Variants in PPP1R9A observed in about 807,000 individuals in gnomAD.
The protein encoded by PPP1R9A is protein phosphatase 1 regulatory subunit 9A.
Under a neutral mutation model 141.9 loss-of-function variants are expected in PPP1R9A, and 59 were observed. The ratio of observed to expected loss-of-function variants is 0.42; its 90% CI spans 0.34 to 0.52. PPP1R9A has a LOEUF of 0.52. Ranked by LOEUF, PPP1R9A falls within the 20% of genes least tolerant of loss-of-function variation. PPP1R9A has a pLI of 0.10. For synonymous variants in PPP1R9A, 500 were observed against 569.7 expected, an observed-to-expected ratio of 0.88 and a Z score of 1.74; for missense variants, 1,444 against 1,611.9, an observed-to-expected ratio of 0.90 and a Z score of 1.78.
chr7:95,158,441 G>A (rs983746067), intron 4 of PPP1R9A, among the ~76,000 whole-genome samples: 1 of 152,180 alleles, frequency 6.6e-6, no homozygotes. Context: ...GATCACTTGA[G>A]ACGAGGAGTT....
At chr7:95,113,164 A>G (rs1303114579) in intron 3 of PPP1R9A, among the ~76,000 whole-genome samples, 1 of 152,232 alleles carries the variant, frequency 6.6e-6, no homozygotes, top group Non-Finnish European at 1.5e-5. Context: ...GAAGAATTGA[A>G]AAGGATAGTT....
At chr7:95,053,492 A>T (rs1811088020) in intron 2 of PPP1R9A, among the ~76,000 whole-genome samples, 1 of 152,236 alleles carries the variant, frequency 6.6e-6, no homozygotes, top group Non-Finnish European at 1.5e-5. Flanking sequence ...TAAGTTTCTT[A>T]ACACCAATAA....
chr7:95,284,104 C>G lies in PPP1R9A; in HGVS notation c.3383C>G (p.Ser1128Ter), dbSNP rs1239962209. Residue 1128 changes from serine to a stop codon, truncating the protein, a stop_gained, in exon 17 of 20, where the codon TCA becomes TGA. Transcript: ENST00000433360. LOFTEE classifies it high-confidence loss of function. ...TSTRSPCMPF[S>*]WFNDSRKGSY... ...ACTCGTTCCCCTTGCATGCCTTTCT[C>G]ATGGTTTAATGACAGCCGGAAAGGA... 1 of 1,594,120 alleles carries G rather than the reference C, an allele frequency of 6.3e-7. No homozygotes were observed.
chr7:95,113,842 GAA>G (rs934326565), intron 3 of PPP1R9A, among the ~76,000 whole-genome samples: 2 of 151,818 alleles, frequency 1.3e-5, no homozygotes, highest in Non-Finnish European at 2.9e-5. Flanking sequence ...CAAGGGCAAG[GAA>G]AAAAGAGGTG....
intron 8 of PPP1R9A, among the ~76,000 whole-genome samples, chr7:95,227,574 C>T (rs959279518): frequency 2.6e-5 from 4 of 152,148 alleles, no homozygotes; most frequent in Non-Finnish European, 5.9e-5. Flanking sequence ...CAAGCATGCC[C>T]ATCTCTTTAT....
chr7:95,213,097 C>T (rs753931318), intron 7 of PPP1R9A, among the ~76,000 whole-genome samples: 53 of 151,522 alleles, frequency 3.5e-4, no homozygotes, highest in Non-Finnish European at 6.6e-4. Context: ...TGTTTGGAGA[C>T]AATTCCTCCA....
At chr7:95,215,128 C>G (rs1383691072) in intron 7 of PPP1R9A, among the ~76,000 whole-genome samples, 2 of 121,904 alleles carry the variant, frequency 1.6e-5, no homozygotes, top group African/African-American at 3.1e-5. Context: ...CCCCTCCCCC[C>G]ACCCACAACA....
At chr7:95,115,228 G>T (rs2152460426) in intron 3 of PPP1R9A, among the ~76,000 whole-genome samples, 1 of 152,178 alleles carries the variant, frequency 6.6e-6, no homozygotes, top group East Asian at 1.9e-4. Context: ...AAAATATATA[G>T]TGTTACTATA....
Position 94,911,438 on chromosome 7 carries a change from T to C in PPP1R9A, c.1325T>C (p.Ile442Thr), listed in dbSNP as rs140336712. The change falls in exon 2 of 20, where the codon ATT (isoleucine) becomes ACT (threonine). Residue 442 changes from isoleucine to threonine, a missense_variant. Physicochemically the swap from Ile to Thr is moderately conservative, Grantham distance 89 (BLOSUM62 -1). This residue lies in a region of PPP1R9A where 490 missense variants were observed against 521.1 expected (regional missense o/e 0.94). Coordinates refer to ENST00000433360, the MANE Select transcript of PPP1R9A (RefSeq NM_001166160.2). ...CAGCCTGATATGGAGTACTCGGAAATTGTTGGATTGCCAGAAGAAGAAGAA... is the reference window on the plus strand; with the variant it reads ...CAGCCTGATATGGAGTACTCGGAAACTGTTGGATTGCCAGAAGAAGAAGAA... ...YYQPDMEYSE[I>T]VGLPEEEEIP... 118 of 1,613,784 alleles carry C rather than the reference T, an allele frequency of 7.3e-5. No individual in the cohort carries two copies. The African/African-American group carries it at 1.4e-3, about 19-fold the overall frequency.
chr7:95,204,627 C>T (rs550812878), intron 7 of PPP1R9A, among the ~76,000 whole-genome samples: 14 of 149,428 alleles, frequency 9.4e-5, no homozygotes, highest in African/African-American at 3.2e-4. Context: ...ACCACACTCA[C>T]ACCACACATA....
chr7:95,163,505 T>C (rs1034058940), intron 5 of PPP1R9A, among the ~76,000 whole-genome samples: 3 of 152,210 alleles, frequency 2.0e-5, no homozygotes, highest in Non-Finnish European at 4.4e-5. Context: ...GTGTTTCCGA[T>C]TTCAGATTGT....
intron 2 of PPP1R9A, among the ~76,000 whole-genome samples, chr7:95,077,079 T>G (rs988467084): frequency 1.3e-5 from 2 of 152,166 alleles, no homozygotes; most frequent in Non-Finnish European, 2.9e-5. Context: ...ATAAGCCACT[T>G]GTGTAAATAT....
chr7:95,103,715 A>G (rs1321572730), intron 2 of PPP1R9A, among the ~76,000 whole-genome samples: 3 of 152,144 alleles, frequency 2.0e-5, no homozygotes. Flanking sequence ...GCTTACAATT[A>G]GTGAAATGTA....
intron 2 of PPP1R9A, among the ~76,000 whole-genome samples, chr7:94,948,002 A>G (rs1796072883): frequency 6.6e-6 from 1 of 152,006 alleles, no homozygotes; most frequent in Non-Finnish European, 1.5e-5. Context: ...TTACTCAAAT[A>G]ATGGACCCAT....
intron 2 of PPP1R9A, among the ~76,000 whole-genome samples, chr7:94,927,724 A>G (rs908648628): frequency 5.3e-5 from 8 of 152,316 alleles, no homozygotes; most frequent in African/African-American, 1.9e-4. Context: ...AGAAGTAAAC[A>G]TTTGTAGGAT....
chr7:95,077,671 A>G (rs1324071077), intron 2 of PPP1R9A, among the ~76,000 whole-genome samples: 2 of 152,210 alleles, frequency 1.3e-5, no homozygotes, highest in Non-Finnish European at 2.9e-5. Flanking sequence ...CCTCTTGTAT[A>G]TAAGGGAGGT....
chr7:94,989,425 C>T (rs892583008), intron 2 of PPP1R9A, among the ~76,000 whole-genome samples: 4 of 152,072 alleles, frequency 2.6e-5, no homozygotes, highest in Non-Finnish European at 5.9e-5. Context: ...AGTTGAACCT[C>T]CATGGGACAG....
chr7:95,241,126 G>C (rs541310882), intron 8 of PPP1R9A, among the ~76,000 whole-genome samples: 1 of 152,232 alleles, frequency 6.6e-6, no homozygotes, highest in Admixed American at 6.5e-5. Context: ...AGTTCTCTAA[G>C]TTAAAGAGAT....
chr7:94,945,860 A>G (rs1358720099), intron 2 of PPP1R9A, among the ~76,000 whole-genome samples: 3 of 152,008 alleles, frequency 2.0e-5, no homozygotes, highest in Non-Finnish European at 4.4e-5. Context: ...TATGAGTTTG[A>G]ATATTAATTT....
Sources: allele counts gnomAD v4.1 joint callset (sites outside exome capture counted in the v4.1 genomes callset), GRCh38; gene constraint gnomAD v4.1.1; regional missense constraint gnomAD v4.1.1; transcripts MANE v1.5; gene names NCBI Gene and HGNC (gene_info 2026-07-23, HGNC 2026-07-21).